Variants in CCSER1 observed in about 807,000 individuals in gnomAD.
CCSER1 encodes the protein coiled-coil serine rich protein 1.
In CCSER1, 41 loss-of-function variants were observed where a neutral mutation model predicts 82.0. That is an observed-to-expected ratio of 0.50 (90% CI 0.39 to 0.65). The LOEUF is 0.65. CCSER1 is among the 30% of genes least tolerant of loss of function. CCSER1 has a pLI of 0.00. For synonymous variants in CCSER1, 414 were observed against 383.9 expected (o/e 1.08, Z -0.92); for missense variants, 1,119 against 1,064.2 (o/e 1.05, Z -0.72).
intron 1 of CCSER1, among the ~76,000 whole-genome samples, chr4:90,212,472 ATGG>A (rs1287956512): frequency 6.6e-6 from 1 of 152,202 alleles, no homozygotes; most frequent in African/African-American, 2.4e-5. Context: ...ATCACTTAAA[ATGG>A]TGACCCATCT....
chr4:90,410,010 A>C (rs1754425697), intron 4 of CCSER1, among the ~76,000 whole-genome samples: 3 of 152,206 alleles, frequency 2.0e-5, no homozygotes, highest in Admixed American at 6.5e-5. Context: ...ACTTTAAACC[A>C]ACAAAGATCA....
At chr4:90,190,320 T>C (rs1735391631) in intron 1 of CCSER1, among the ~76,000 whole-genome samples, 1 of 152,104 alleles carries the variant, frequency 6.6e-6, no homozygotes, top group Non-Finnish European at 1.5e-5. Context: ...ACAGGCATTG[T>C]ACAGAAAGCT....
At chr4:91,032,577 T>C (rs1741080040) in intron 9 of CCSER1, among the ~76,000 whole-genome samples, 1 of 152,154 alleles carries the variant, frequency 6.6e-6, no homozygotes, top group South Asian at 2.1e-4. Flanking sequence ...TTTTGATAGA[T>C]AGGAAGGAAC....
At chr4:90,769,096 T>A (rs1422563618) in intron 7 of CCSER1, among the ~76,000 whole-genome samples, 1 of 152,160 alleles carries the variant, frequency 6.6e-6, no homozygotes, top group African/African-American at 2.4e-5. Flanking sequence ...TTAAAGAGAT[T>A]AAGAGCATAC....
intron 5 of CCSER1, among the ~76,000 whole-genome samples, chr4:90,550,203 G>A (rs1404461066): frequency 1.3e-5 from 2 of 152,058 alleles, no homozygotes; most frequent in Non-Finnish European, 2.9e-5. Context: ...GTATCACAGG[G>A]CGTGCTAAAC....
intron 9 of CCSER1, among the ~76,000 whole-genome samples, chr4:91,004,956 C>T (rs1428215010): frequency 6.6e-6 from 1 of 152,106 alleles, no homozygotes; most frequent in Non-Finnish European, 1.5e-5. Flanking sequence ...CTGATTAGCA[C>T]AAGGGAGAGT....
chr4:91,113,164 A>G (rs1726230781), intron 10 of CCSER1, among the ~76,000 whole-genome samples: 1 of 152,206 alleles, frequency 6.6e-6, no homozygotes, highest in South Asian at 2.1e-4. Flanking sequence ...TGTCTTTTAT[A>G]TCTTTACAAT....
chr4:91,385,374 A>G (rs1751218423), intron 10 of CCSER1, among the ~76,000 whole-genome samples: 1 of 152,026 alleles, frequency 6.6e-6, no homozygotes, highest in Non-Finnish European at 1.5e-5. Flanking sequence ...AACAATATGC[A>G]TATACCAACT....
At chr4:90,780,493 G>A (rs779348362) in intron 7 of CCSER1, 15 of 1,612,216 alleles carry the variant, frequency 9.3e-6, no homozygotes, top group Non-Finnish European at 1.3e-5. Flanking sequence ...ATTGAAGATT[G>A]GGGTTCAGGA....
At chr4:90,277,880 A>G (rs1187809088) in intron 1 of CCSER1, among the ~76,000 whole-genome samples, 3 of 152,164 alleles carry the variant, frequency 2.0e-5, no homozygotes, top group African/African-American at 7.2e-5. Context: ...AGAAACTATT[A>G]AAGGAGTAAA....
At chr4:90,621,880 G>A (rs1488757087) in intron 5 of CCSER1, among the ~76,000 whole-genome samples, 1 of 152,118 alleles carries the variant, frequency 6.6e-6, no homozygotes, top group Non-Finnish European at 1.5e-5. Context: ...TATCTGCATA[G>A]GCGTAAAAAT....
chr4:91,090,278 C>A (rs956056218), intron 10 of CCSER1, among the ~76,000 whole-genome samples: 2 of 152,172 alleles, frequency 1.3e-5, no homozygotes, highest in Admixed American at 6.5e-5. Context: ...TACACAGCTA[C>A]CTGTCCACTG....
intron 10 of CCSER1, among the ~76,000 whole-genome samples, chr4:91,192,233 T>C (rs2149050273): frequency 6.6e-6 from 1 of 152,248 alleles, no homozygotes; most frequent in East Asian, 1.9e-4. Flanking sequence ...TAATTGTGGT[T>C]GTTTTCCTTG....
chr4:91,472,723 A>G (rs1397902441), intron 10 of CCSER1, among the ~76,000 whole-genome samples: 1 of 152,180 alleles, frequency 6.6e-6, no homozygotes, highest in African/African-American at 2.4e-5. Flanking sequence ...TGAATAATAT[A>G]GAGACAGAAT....
At chr4:90,451,169 AG>A (rs1408350102) in intron 4 of CCSER1, among the ~76,000 whole-genome samples, 3 of 152,182 alleles carry the variant, frequency 2.0e-5, no homozygotes, top group African/African-American at 7.2e-5. Flanking sequence ...GCCTTGAACA[AG>A]GGGCCATTAT....
At chr4:90,486,822 A>T (rs1469680166) in intron 5 of CCSER1, among the ~76,000 whole-genome samples, 1 of 152,228 alleles carries the variant, frequency 6.6e-6, no homozygotes, top group African/African-American at 2.4e-5. Context: ...GACTGCATGT[A>T]TTGAAGTAAA....
At chr4:90,210,158 A>G (rs1270728701) in intron 1 of CCSER1, among the ~76,000 whole-genome samples, 5 of 152,204 alleles carry the variant, frequency 3.3e-5, no homozygotes, top group Non-Finnish European at 2.9e-5. Flanking sequence ...TTTTGTTAAA[A>G]AGAAGGAAAT....
intron 7 of CCSER1, chr4:90,781,521 A>G: frequency 3.0e-6 from 3 of 984,564 alleles, no homozygotes; most frequent in Non-Finnish European, 3.6e-6. Context: ...ATTAGATGTT[A>G]AACTTGAAAC....
chr4:91,069,945 T>A (rs7660020), intron 9 of CCSER1, among the ~76,000 whole-genome samples: 1 of 151,690 alleles, frequency 6.6e-6, no homozygotes, highest in Non-Finnish European at 1.5e-5. Flanking sequence ...TGTTCTCAAT[T>A]TATAATATAG....
Sources: allele counts gnomAD v4.1 joint callset (sites outside exome capture counted in the v4.1 genomes callset), GRCh38; gene constraint gnomAD v4.1.1; transcripts MANE v1.5; gene names NCBI Gene and HGNC (gene_info 2026-07-23, HGNC 2026-07-21).